The following GLRA1 variants were observed in gnomAD, a reference collection of about 807,000 sequenced individuals.
GLRA1 encodes glycine receptor subunit alpha-1.
Under a neutral mutation model 48.3 loss-of-function variants are expected in GLRA1, and 37 were observed. The ratio of observed to expected loss-of-function variants is 0.77; its 90% CI spans 0.59 to 1.01. The LOEUF (loss-of-function observed/expected upper bound fraction) is 1.01, where lower values mean the gene tolerates loss of function less well. GLRA1 is among the 50% of genes least tolerant of loss of function. GLRA1 has a pLI of 0.00. For missense variants in GLRA1, 427 were observed against 571.0 expected (o/e 0.75, Z 2.57); for synonymous variants, 196 against 210.7 (o/e 0.93, Z 0.60).
chr5:151,829,162 C>G, intron 7 of GLRA1, 95 bp from the exon 8 acceptor site: 1 of 1,165,744 alleles, frequency 8.6e-7, no homozygotes, highest in Middle Eastern at 2.7e-4. Flanking sequence ...GGTAATTCCC[C>G]ACATCACCCA....
At chr5:151,844,621 C>CA (rs202218874) in intron 7 of GLRA1, among the ~76,000 whole-genome samples, 2,996 of 49,536 alleles carry the variant, frequency 0.06, 154 homozygotes, top group Middle Eastern at 0.073. Context: ...TACTCTATCT[C>CA]AAAAAAAAAA....
At chr5:151,880,818 C>T (rs528221820) in intron 3 of GLRA1, among the ~76,000 whole-genome samples, 50 of 152,322 alleles carry the variant, frequency 3.3e-4, no homozygotes, top group African/African-American at 1.0e-3. Flanking sequence ...TACTCAAATG[C>T]GGATACATAC....
rs542935188 is a variant in GLRA1 at position 151,881,385 on chromosome 5, T to TCACAGCTC, written c.252+5328_252+5335dup. ...CCCAGTCTTGAGTGCAGTGGCATGA[T>TCACAGCTC]CACAGCTCACTGCAGCCTTGACCTC... is the stretch of plus-strand genomic sequence containing the variant. On this transcript the variant is annotated intron_variant, in intron 3 of 8. Transcript: ENST00000274576. Among the ~76,000 whole-genome samples, 1,235 of 151,102 alleles carry TCACAGCTC rather than the reference T, an allele frequency of 8.2e-3. 26 individuals carry two copies. Among genetic ancestry groups the TCACAGCTC allele is most frequent in the African/African-American group, 0.028 (1,134 of 41,100 alleles).
At position 151,822,582 on chromosome 5, in the gene GLRA1, C is replaced by T; in HGVS notation, c.*91G>A. 2 of 892,736 alleles carry T rather than the reference C, an allele frequency of 2.2e-6. No individual in the cohort carries two copies. 55.3% of individuals were successfully genotyped at this position (892,736 alleles called of 1,614,324 possible). ...AGAGAGTTGTGTAAGTGTGCCCCCT[C>T]CCTCCGTTCCCCTTCTCTTCCTTAG... On this transcript the variant is annotated 3_prime_UTR_variant, in exon 9 of 9. Coordinates refer to ENST00000274576, the MANE Select transcript of GLRA1 (RefSeq NM_000171.4).
chr5:151,831,784 CA>C (rs760034291), intron 7 of GLRA1, among the ~76,000 whole-genome samples: 1 of 152,214 alleles, frequency 6.6e-6, no homozygotes, highest in Non-Finnish European at 1.5e-5. Context: ...TCTCCCAGCA[CA>C]GCACTCGAGC....
At chr5:151,844,045 C>A (rs1007522970) in intron 7 of GLRA1, among the ~76,000 whole-genome samples, 5 of 152,048 alleles carry the variant, frequency 3.3e-5, no homozygotes, top group Non-Finnish European at 5.9e-5. Context: ...TGGTGCATGC[C>A]TGTAATCCCA....
At chr5:151,832,350 C>T (rs902782590) in intron 7 of GLRA1, among the ~76,000 whole-genome samples, 1 of 152,170 alleles carries the variant, frequency 6.6e-6, no homozygotes, top group Non-Finnish European at 1.5e-5. Flanking sequence ...TAGCAAACTC[C>T]TCCAAGCTAA....
At chr5:151,896,315 C>T (rs1409296909) in intron 1 of GLRA1, among the ~76,000 whole-genome samples, 1 of 152,206 alleles carries the variant, frequency 6.6e-6, no homozygotes, top group Non-Finnish European at 1.5e-5. Flanking sequence ...AGTCACACAG[C>T]ACTTTAAAGA....
chr5:151,887,775 C>G (rs1753948918), intron 2 of GLRA1, among the ~76,000 whole-genome samples: 1 of 152,122 alleles, frequency 6.6e-6, no homozygotes, highest in African/African-American at 2.4e-5. Flanking sequence ...TCCAAATAAG[C>G]TGACAAAAAG....
At chr5:151,861,448 G>A (rs1223627258) in intron 3 of GLRA1, among the ~76,000 whole-genome samples, 1 of 152,156 alleles carries the variant, frequency 6.6e-6, no homozygotes, top group Non-Finnish European at 1.5e-5. Context: ...ATCTCATTGT[G>A]GTTTTGATTT....
At chr5:151,843,727 A>C (rs188627736) in intron 7 of GLRA1, among the ~76,000 whole-genome samples, 20 of 152,046 alleles carry the variant, frequency 1.3e-4, no homozygotes, top group Admixed American at 4.6e-4. Flanking sequence ...GGATCAACAC[A>C]TAGATCAATG....
chr5:151,885,977 G>T (rs1286358852), intron 3 of GLRA1, among the ~76,000 whole-genome samples: 1 of 152,120 alleles, frequency 6.6e-6, no homozygotes, highest in Admixed American at 6.5e-5. Context: ...GAAATGGATA[G>T]ATTAGAGTTA....
At chr5:151,869,295 G>A (rs1002173722) in intron 3 of GLRA1, among the ~76,000 whole-genome samples, 54 of 151,664 alleles carry the variant, frequency 3.6e-4, no homozygotes, top group Non-Finnish European at 2.7e-4. Flanking sequence ...GTAGAGACAC[G>A]GTTTCACCAT....
intron 3 of GLRA1, among the ~76,000 whole-genome samples, chr5:151,883,461 A>C (rs528256608): frequency 6.6e-6 from 1 of 152,340 alleles, no homozygotes; most frequent in Admixed American, 6.5e-5. Context: ...ACTGGATCTT[A>C]ATCCTTGCAC....
At position 151,924,786 on chromosome 5, in the gene GLRA1, T is replaced by A. The variant is rs1488808130; in HGVS notation, c.-237A>T. The A allele has an allele frequency of 1.7e-6, 1 of 605,998 alleles. No individual in the cohort carries two copies. The highest frequency in any genetic ancestry group is 1.9e-5 in the African/African-American group (1 of 53,962). 37.5% of individuals were successfully genotyped at this position (605,998 alleles called of 1,614,324 possible). ...CCACGGAGAGCGTCCAGACCTGCTT[T>A]TCAGGAGCGCGAAGAGTATTGCTGT... On this transcript the variant is annotated 5_prime_UTR_variant, in exon 1 of 9. Transcript: ENST00000274576.
At chr5:151,912,730 G>T (rs1754646863) in intron 1 of GLRA1, among the ~76,000 whole-genome samples, 1 of 152,160 alleles carries the variant, frequency 6.6e-6, no homozygotes, top group Non-Finnish European at 1.5e-5. Flanking sequence ...AACAAACACT[G>T]AGTGTTTGAT....
intron 3 of GLRA1, among the ~76,000 whole-genome samples, chr5:151,869,473 G>A (rs748526503): frequency 3.3e-5 from 5 of 151,294 alleles, no homozygotes; most frequent in Non-Finnish European, 5.9e-5. Flanking sequence ...CAGCACTTTG[G>A]GAGGCCAACG....
chr5:151,880,025 T>C lies in GLRA1; in HGVS notation c.252+6696A>G, dbSNP rs554675824. 5.9e-5 allele frequency among the ~76,000 whole-genome samples: 9 copies of C among 152,330 alleles called. No homozygotes were observed. The South Asian group carries it at 1.9e-3, about 32-fold the overall frequency. On this transcript the variant is annotated intron_variant, in intron 3 of 8. Transcript: ENST00000274576. Reference sequence around the variant, plus strand: ...AATTTTCCTGCACAAGCTCTCTCTTTGCCTGCTGCCATCCACGTAAGATGT... The same window carrying C: ...AATTTTCCTGCACAAGCTCTCTCTTCGCCTGCTGCCATCCACGTAAGATGT...
chr5:151,837,183 T>C (rs529251866), intron 7 of GLRA1, among the ~76,000 whole-genome samples: 2 of 152,208 alleles, frequency 1.3e-5, no homozygotes, highest in East Asian at 3.8e-4. Context: ...AAAGAAGACA[T>C]TTATGCAGTC....
Sources: gnomAD v4.1 joint callset for allele counts (sites outside exome capture counted in the v4.1 genomes callset) on GRCh38, gnomAD v4.1.1 for gene constraint, MANE v1.5 for transcripts, NCBI Gene and HGNC (gene_info 2026-07-23, HGNC 2026-07-21) for gene names.